The following MARK1 variants were observed in gnomAD, a reference collection of about 807,000 sequenced individuals.
MARK1 encodes microtubule affinity regulating kinase 1.
MARK1 carries 40 observed loss-of-function variants against 96.3 expected under a neutral mutation model. The ratio of observed to expected loss-of-function variants is 0.42; its 90% CI spans 0.32 to 0.54. MARK1 has a LOEUF of 0.54. MARK1 is among the 20% of genes least tolerant of loss of function. The pLI is 0.16. For synonymous variants in MARK1, 317 were observed against 341.2 expected (o/e 0.93, Z 0.78); for missense variants, 719 against 984.6 (o/e 0.73, Z 3.61).
chr1:220,547,251 C>G (rs945732963), intron 1 of MARK1, among the ~76,000 whole-genome samples: 4 of 152,114 alleles, frequency 2.6e-5, no homozygotes, highest in Non-Finnish European at 5.9e-5. Context: ...ATACCAAGAA[C>G]TAAAAGGAAA....
chr1:220,609,690 T>C (rs866306101), intron 6 of MARK1, among the ~76,000 whole-genome samples: 1 of 151,764 alleles, frequency 6.6e-6, no homozygotes, highest in African/African-American at 2.4e-5. Context: ...TAGTGGCTGG[T>C]ACCAGTTGTT....
At chr1:220,614,764 A>G (rs113673077) in intron 6 of MARK1, among the ~76,000 whole-genome samples, 11 of 152,258 alleles carry the variant, frequency 7.2e-5, no homozygotes, top group African/African-American at 2.6e-4. Context: ...AATGAATTAA[A>G]TGGAATTGTG....
chr1:220,651,222 T>A (rs1668854897), intron 14 of MARK1, among the ~76,000 whole-genome samples: 1 of 152,200 alleles, frequency 6.6e-6, no homozygotes, highest in South Asian at 2.1e-4. Context: ...AAAAGATGTG[T>A]CTTCTTTCTA....
At position 220,635,512 on chromosome 1, in the gene MARK1, G is replaced by A. The variant is rs375658319; in HGVS notation, c.1259G>A (p.Arg420Gln). 1.9e-5 allele frequency: 30 copies of A among 1,609,210 alleles called. No individual in the cohort carries two copies. Among genetic ancestry groups the A allele is most frequent in the East Asian group, 4.5e-5 (2 of 44,862 alleles). ...AGTATCTCAGCAAATCAGAAGCAGC[G>A]GCGTTTCAGTGATCATGGTAGGGGA... ...QRSISANQKQ[R>Q]RFSDHAGPSI... Residue 420 changes from arginine to glutamine, a missense_variant, in exon 12 of 18, where the codon CGG becomes CAG. This residue lies in a region of MARK1 where 501 missense variants were observed against 588.3 expected (regional missense o/e 0.85). Transcript: ENST00000366917.
At chr1:220,548,982 T>C (rs1242772864) in intron 1 of MARK1, among the ~76,000 whole-genome samples, 1 of 152,148 alleles carries the variant, frequency 6.6e-6, no homozygotes, top group Non-Finnish European at 1.5e-5. Flanking sequence ...CCAAAGTAGC[T>C]TCTTGGGGTG....
chr1:220,657,107 C>A (rs1669217176), intron 16 of MARK1, among the ~76,000 whole-genome samples: 1 of 152,060 alleles, frequency 6.6e-6, no homozygotes, highest in East Asian at 1.9e-4. Context: ...TTAAAAATAA[C>A]AAAGCATTAA....
At chr1:220,628,860 G>GT (rs1667503056) in intron 9 of MARK1, among the ~76,000 whole-genome samples, 1 of 151,244 alleles carries the variant, frequency 6.6e-6, no homozygotes, top group African/African-American at 2.4e-5. Flanking sequence ...GCCGAGGCAA[G>GT]CAGATAACTT....
At chr1:220,627,120 C>A in intron 9 of MARK1, 1 of 507,556 alleles carries the variant, frequency 2.0e-6, no homozygotes. Flanking sequence ...CCTGAGAATG[C>A]TGCCCCACAA....
At chr1:220,643,335 C>CT (rs1465973835) in intron 13 of MARK1, among the ~76,000 whole-genome samples, 1 of 152,068 alleles carries the variant, frequency 6.6e-6, no homozygotes, top group Non-Finnish European at 1.5e-5. Context: ...GGAAGAGAGA[C>CT]TATCAGTTTG....
In MARK1 at chr1:220,663,357, A is replaced by C. The variant is rs1669580700; in HGVS notation, c.*1191A>C. The C allele has an allele frequency of 6.6e-6, 1 of 152,618 alleles. No individual in the cohort carries two copies. Among genetic ancestry groups the C allele is most frequent in the Non-Finnish European group, 1.5e-5 (1 of 68,026 alleles). 9.5% of individuals were successfully genotyped at this position (152,618 alleles called of 1,614,324 possible). A position where few individuals can be genotyped will look rare whatever the true frequency, so the allele number is the denominator to read the frequency against. On this transcript the variant is annotated 3_prime_UTR_variant, in exon 18 of 18. Transcript: ENST00000366917. ...TTTATTCCACATCATTATGCCTATA[A>C]TGTGCCGCTTTGTGATTGGGCATTT... is the stretch of plus-strand genomic sequence containing the variant.
rs897805757 is a variant in MARK1, at chr1:220,618,922, T to C, written c.909+167T>C. Among the ~76,000 whole-genome samples the C allele has an allele frequency of 6.6e-6, 1 of 152,210 alleles. No individual in the cohort carries two copies. The highest frequency in any genetic ancestry group is 6.5e-5 in the Admixed American group (1 of 15,278). ...ATGACTTTTTTTCACTTTCAAAAGT[T>C]GCCACAGTAGCTGTCTCTAAAAACT... On this transcript the variant is annotated intron_variant, in intron 9 of 17. Coordinates refer to ENST00000366917, the MANE Select transcript of MARK1 (RefSeq NM_018650.5). The surrounding 1 kb of genome is among the most constrained non-coding windows in gnomAD (Gnocchi z 4.6).
At chr1:220,637,873 AC>A (rs1668055036) in intron 13 of MARK1, among the ~76,000 whole-genome samples, 1 of 152,054 alleles carries the variant, frequency 6.6e-6, no homozygotes. Flanking sequence ...AAGATAAGAT[AC>A]CAAAATGCGC....
chr1:220,622,777 C>T (rs888623530), intron 9 of MARK1, among the ~76,000 whole-genome samples: 1 of 152,014 alleles, frequency 6.6e-6, no homozygotes, highest in African/African-American at 2.4e-5. Flanking sequence ...CCTAGCTACT[C>T]GGGAGGCTGA....
At chr1:220,615,675 A>C (rs1171960123) in intron 6 of MARK1, among the ~76,000 whole-genome samples, 1 of 152,178 alleles carries the variant, frequency 6.6e-6, no homozygotes. Flanking sequence ...ACTATAAATG[A>C]TCCATATGAA....
chr1:220,618,371 A>G lies in MARK1; in HGVS notation c.614A>G (p.Asn205Ser). 1 of 1,614,174 alleles carries G rather than the reference A, an allele frequency of 6.2e-7. No individual in the cohort carries two copies. Among genetic ancestry groups the G allele is most frequent in the East Asian group, 2.2e-5 (1 of 44,878 alleles). Residue 205 changes from asparagine (N) to serine (S), a missense_variant, in exon 8 of 18, where the codon AAT becomes AGT. By Grantham distance (46) the Asn-to-Ser change is conservative. Coordinates refer to ENST00000366917, the MANE Select transcript of MARK1 (RefSeq NM_018650.5). The surrounding 1 kb of genome is among the most constrained non-coding windows in gnomAD (Gnocchi z 4.6). Reference sequence around the variant, plus strand: ...AAAATTGCTGACTTTGGTTTTAGTAATGAATTTACAGTTGGGAACAAATTG... The same window carrying G: ...AAAATTGCTGACTTTGGTTTTAGTAGTGAATTTACAGTTGGGAACAAATTG... The part of the protein sequence containing the change: ...NIKIADFGFS[N>S]EFTVGNKLDT...
rs1553322975 is a variant in MARK1 at position 220,586,011 on chromosome 1, A to ACG, written c.309+4900_309+4901dup. Among the ~76,000 whole-genome samples, 337 of 148,546 alleles carry ACG rather than the reference A, an allele frequency of 2.3e-3. 3 individuals carry two copies. Among genetic ancestry groups the ACG allele is most frequent in the African/African-American group, 6.7e-3 (263 of 39,028 alleles). On this transcript the variant is annotated intron_variant, in intron 3 of 17. Transcript: ENST00000366917. ...CACACACACACACACACACACACAC[A>ACG]CGCGCGCGTGCGCAGAGAGAGAGAG...
chr1:220,572,553 C>T (rs1663548380), intron 1 of MARK1, among the ~76,000 whole-genome samples: 1 of 152,106 alleles, frequency 6.6e-6, no homozygotes, highest in Admixed American at 6.6e-5. Context: ...GTTGTTTTTT[C>T]ATGTATAGTT....
At chr1:220,546,988 G>A (rs116380075) in intron 1 of MARK1, among the ~76,000 whole-genome samples, 2 of 123,844 alleles carry the variant, frequency 1.6e-5, no homozygotes, top group Non-Finnish European at 1.8e-5. Flanking sequence ...AAAAAAAAAA[G>A]AAAAAAGAAA....
rs934420054 is a variant in MARK1 at position 220,596,936 on chromosome 1, C to G, written c.310-1395C>G. ...TCTCTATGAATTTGACGACTCCACT[C>G]TAGGTACCTTATATAAGCATAATCA... On this transcript the variant is annotated intron_variant, in intron 3 of 17. Transcript: ENST00000366917. 2.0e-5 allele frequency among the ~76,000 whole-genome samples: 3 copies of G among 152,166 alleles called. No homozygotes were observed. In the South Asian group the frequency reaches 6.2e-4, roughly 32 times the overall value.
Sources: allele counts gnomAD v4.1 joint callset (sites outside exome capture counted in the v4.1 genomes callset), GRCh38; gene constraint gnomAD v4.1.1; regional missense constraint gnomAD v4.1.1; non-coding constraint Gnocchi (gnomAD v3.1); transcripts MANE v1.5; gene names NCBI Gene and HGNC (gene_info 2026-07-23, HGNC 2026-07-21).